RAB32: variants seen among roughly 807,000 people sequenced by gnomAD.
RAB32 encodes the protein ras-related protein Rab-32.
RAB32 carries 17 observed loss-of-function variants against 17.5 expected under a neutral mutation model. That is an observed-to-expected ratio of 0.97 (90% CI 0.67 to 1.46). The LOEUF (loss-of-function observed/expected upper bound fraction) is 1.46. Among genes scored for constraint, RAB32 ranks in the 40% most tolerant of loss-of-function variants. The pLI, the probability that RAB32 is intolerant of heterozygous loss-of-function variation, is 0.00. For synonymous variants in RAB32, 115 were observed against 111.1 expected (o/e 1.04, Z -0.22); for missense variants, 288 against 284.3 (o/e 1.01, Z -0.09).
chr6:146,544,779 GC>G (rs368191392), intron 1 of RAB32, among the ~76,000 whole-genome samples: 1,211 of 68,260 alleles, frequency 0.018, 25 homozygotes, highest in East Asian at 0.093. Context: ...GCCCCCCCCC[GC>G]CCCCCCCCCA....
intron 1 of RAB32, among the ~76,000 whole-genome samples, chr6:146,545,272 G>GA (rs376504722): frequency 2.9e-3 from 352 of 121,492 alleles, no homozygotes; most frequent in East Asian, 6.5e-3. Context: ...CCCTATCTCA[G>GA]AAAAAAAAAA....
chr6:146,553,990 A>G (rs1054466464), intron 2 of RAB32, among the ~76,000 whole-genome samples: 19 of 152,202 alleles, frequency 1.2e-4, no homozygotes, highest in African/African-American at 4.6e-4. Context: ...CATGACAACT[A>G]AAAGGAATAA....
At chr6:146,545,015 G>A (rs1779802695) in intron 1 of RAB32, among the ~76,000 whole-genome samples, 1 of 152,132 alleles carries the variant, frequency 6.6e-6, no homozygotes, top group African/African-American at 2.4e-5. Flanking sequence ...GGCCTAGACT[G>A]GAGGATCGCA....
intron 2 of RAB32, among the ~76,000 whole-genome samples, chr6:146,552,765 T>C (rs1257451796): frequency 6.6e-6 from 1 of 152,138 alleles, no homozygotes; most frequent in Non-Finnish European, 1.5e-5. Context: ...CATTCTCCAG[T>C]AAAAAGAATG....
At position 146,544,189 on chromosome 6, in the gene RAB32, T is replaced by G. The variant is rs746400269; in HGVS notation, c.250+68T>G. On this transcript the variant is annotated intron_variant, in intron 1 of 2. Transcript: ENST00000367495. ...CCGCCTGGCTCCTCTCTGCTTCTTT[T>G]CTTTTTCTTTTCTGCCTGAACTCGT... 990 of 1,491,288 alleles carry G rather than the reference T, an allele frequency of 6.6e-4. 2 individuals carry two copies. The highest frequency in any genetic ancestry group is 7.8e-4 in the Non-Finnish European group (869 of 1,117,020). 92.4% of individuals were successfully genotyped at this position (1,491,288 alleles called of 1,614,324 possible).
chr6:146,549,413 A>G, intron 1 of RAB32, 51 bp from the exon 2 acceptor site: 1 of 1,504,334 alleles, frequency 6.6e-7, no homozygotes. Context: ...ACCTAAATGT[A>G]GACTCTGTCT....
intron 2 of RAB32, among the ~76,000 whole-genome samples, chr6:146,550,840 A>G (rs1421097549): frequency 6.6e-6 from 1 of 152,098 alleles, no homozygotes; most frequent in Non-Finnish European, 1.5e-5. Context: ...ACATTATACC[A>G]TAAATTTGTT....
intron 2 of RAB32, among the ~76,000 whole-genome samples, chr6:146,550,722 T>G (rs1779885881): frequency 8.0e-6 from 1 of 125,038 alleles, no homozygotes. Flanking sequence ...ATATAAAATG[T>G]TTGGGGGGGG....
intron 2 of RAB32, among the ~76,000 whole-genome samples, chr6:146,553,654 T>G (rs566747489): frequency 6.6e-6 from 1 of 152,102 alleles, no homozygotes; most frequent in Non-Finnish European, 1.5e-5. Context: ...TGAGTAAGCT[T>G]TTTAGGCTAG....
In RAB32 at chr6:146,554,718, A is replaced by G; in HGVS notation, c.*113A>G. On this transcript the variant is annotated 3_prime_UTR_variant, in exon 3 of 3. Transcript: ENST00000367495. ...TCCCACATGTGGCACTTCAAAAGGC[A>G]GCACCACTGGGCGCCTGCACTTATT... 8.2e-7 allele frequency: 1 copy of G among 1,214,126 alleles called. No individual in the cohort carries two copies. The highest frequency in any genetic ancestry group is 2.4e-5 in the East Asian group (1 of 41,528). The allele number at this position is 1,214,126 out of a possible 1,614,324, so 75.2% of individuals were successfully genotyped here. A position where few individuals can be genotyped will look rare whatever the true frequency, so the allele number is the denominator to read the frequency against.
In RAB32 at chr6:146,544,127, C is replaced by T. The variant is rs1161425658; in HGVS notation, c.250+6C>T. The T allele has an allele frequency of 1.2e-6, 2 of 1,605,292 alleles. No individual in the cohort carries two copies. Among genetic ancestry groups the T allele is most frequent in the Non-Finnish European group, 8.5e-7 (1 of 1,175,310 alleles). ...GCAGCTGTGGGACATCGCGGGTAAG[C>T]GCGGCCGCGAGTTTCCCACTCCAGA... On this transcript the variant is annotated splice_donor_region_variant and intron_variant, in intron 1 of 2. Coordinates refer to ENST00000367495, the MANE Select transcript of RAB32 (RefSeq NM_006834.5).
chr6:146,547,266 A>G (rs915621957), intron 1 of RAB32, among the ~76,000 whole-genome samples: 3 of 152,164 alleles, frequency 2.0e-5, no homozygotes, highest in African/African-American at 7.2e-5. Context: ...ATTAGTCACT[A>G]TAGCATTTTT....
Position 146,549,482 on chromosome 6 carries a change from A to G in RAB32, c.269A>G (p.Asn90Ser). 1 of 1,613,898 alleles carries G rather than the reference A, an allele frequency of 6.2e-7. No homozygotes were observed. The highest frequency in any genetic ancestry group is 8.5e-7 in the Non-Finnish European group (1 of 1,179,810). ...TGTCTAGGGCAGGAGCGATTTGGCA[A>G]CATGACCCGAGTATACTACAAGGAA... ...WDIAGQERFGNMTRVYYKEAV... is the reference protein window; with the variant it reads ...WDIAGQERFGSMTRVYYKEAV... The change falls in exon 2 of 3, where the codon AAC becomes AGC. Residue 90 changes from asparagine to serine, a missense_variant. Coordinates refer to ENST00000367495, the MANE Select transcript of RAB32 (RefSeq NM_006834.5).
intron 1 of RAB32, among the ~76,000 whole-genome samples, chr6:146,546,016 A>T (rs941313201): frequency 1.3e-5 from 2 of 152,246 alleles, no homozygotes; most frequent in African/African-American, 4.8e-5. Flanking sequence ...TTATAGTTAG[A>T]AACTTGAGAA....
intron 2 of RAB32, among the ~76,000 whole-genome samples, chr6:146,553,557 G>A (rs902802169): frequency 2.6e-5 from 4 of 152,144 alleles, no homozygotes; most frequent in East Asian, 1.9e-4. Flanking sequence ...GGAACTGTTC[G>A]AGAGTAAAAG....
intron 1 of RAB32, among the ~76,000 whole-genome samples, chr6:146,544,590 C>T (rs1032311127): frequency 1.3e-5 from 2 of 151,924 alleles, no homozygotes; most frequent in Non-Finnish European, 2.9e-5. Context: ...CATTTTCCAC[C>T]ACCCGCCTTG....
At position 146,544,138 on chromosome 6, in the gene RAB32, GT is replaced by G; in HGVS notation, c.250+20del. 1.2e-6 allele frequency: 2 copies of G among 1,601,084 alleles called. No homozygotes were observed. Among genetic ancestry groups the G allele is most frequent in the Non-Finnish European group, 1.7e-6 (2 of 1,173,310 alleles). ...ACATCGCGGGTAAGCGCGGCCGCGA[GT>G]TTCCCACTCCAGAGCCCCGCCGGGC... is the stretch of plus-strand genomic sequence containing the variant. On this transcript the variant is annotated intron_variant, in intron 1 of 2. Coordinates refer to ENST00000367495, the MANE Select transcript of RAB32 (RefSeq NM_006834.5).
chr6:146,554,770 C>T lies in RAB32; in HGVS notation c.*165C>T. The T allele has an allele frequency of 5.0e-6, 3 of 600,682 alleles. No individual in the cohort carries two copies. The highest frequency in any genetic ancestry group is 8.3e-6 in the Non-Finnish European group (3 of 359,860). The allele number at this position is 600,682 out of a possible 1,614,324, so 37.2% of individuals were successfully genotyped here. On this transcript the variant is annotated 3_prime_UTR_variant, in exon 3 of 3. Coordinates refer to ENST00000367495, the MANE Select transcript of RAB32 (RefSeq NM_006834.5). ...GAAAATGGAACTTTGGGAGAAGTAT[C>T]CCTGCTAGTGGCTCTGTAACTTAAC... is the stretch of plus-strand genomic sequence containing the variant.
In RAB32 at chr6:146,549,523, G is replaced by T. The variant is rs1779869543; in HGVS notation, c.310G>T (p.Val104Leu). Residue 104 changes from valine (V) to leucine (L), a missense_variant, in exon 2 of 3, where the codon GTA becomes TTA. Val to Leu is a conservative substitution (Grantham distance 32). Coordinates refer to ENST00000367495, the MANE Select transcript of RAB32 (RefSeq NM_006834.5). ...CTACAAGGAAGCTGTTGGTGCTTTT[G>T]TAGTCTTTGATATATCAAGAAGTTC... Reference protein sequence around the residue: ...VYYKEAVGAFVVFDISRSSTF... With the variant: ...VYYKEAVGAFLVFDISRSSTF... 5 of 1,614,142 alleles carry T rather than the reference G, an allele frequency of 3.1e-6. No individual in the cohort carries two copies.
Sources: allele counts gnomAD v4.1 joint callset (sites outside exome capture counted in the v4.1 genomes callset), GRCh38; gene constraint gnomAD v4.1.1; transcripts MANE v1.5; gene names NCBI Gene and HGNC (gene_info 2026-07-23, HGNC 2026-07-21).